PDE3B: variants seen among roughly 807,000 people sequenced by gnomAD.
The protein encoded by PDE3B is phosphodiesterase 3B, also known as cGMP-inhibited 3',5'-cyclic phosphodiesterase 3B.
PDE3B carries 66 observed loss-of-function variants against 116.8 expected under a neutral mutation model. The observed-to-expected ratio is 0.56, with a 90% confidence interval of 0.46 to 0.69. The LOEUF (loss-of-function observed/expected upper bound fraction) is 0.69. PDE3B is among the 30% of genes least tolerant of loss of function. The probability of loss-of-function intolerance (pLI) is 0.00; values close to 1 mark genes in which losing one functional copy is unlikely to be tolerated. For missense variants in PDE3B, 1,384 were observed against 1,368.1 expected, an observed-to-expected ratio of 1.01 and a Z score of -0.18; for synonymous variants, 595 against 533.6, an observed-to-expected ratio of 1.12 and a Z score of -1.59.
Position 14,789,168 on chromosome 11 carries a change from G to T in PDE3B, c.1341G>T (p.Leu447Phe). ...QLRRSSGTSG[L>F]LPVEQSSRWD... ...GGAGAAGCTCAGGAACTTCAGGATT[G>T]CTACCTGTTGAACAGTCTTCAAGGT... Residue 447 changes from leucine to phenylalanine, a missense_variant, in exon 4 of 16, where the codon TTG (leucine) becomes TTT (phenylalanine). This residue lies in a region of PDE3B where 956 missense variants were observed against 806.8 expected (regional missense o/e 1.18). Transcript: ENST00000282096. 2 of 1,610,902 alleles carry T rather than the reference G, an allele frequency of 1.2e-6. No individual in the cohort carries two copies. Among genetic ancestry groups the T allele is most frequent in the Non-Finnish European group, 1.7e-6 (2 of 1,177,602 alleles).
intron 1 of PDE3B, among the ~76,000 whole-genome samples, chr11:14,725,375 TCTTCCTTC>T (rs1172193941): frequency 6.7e-6 from 1 of 150,154 alleles, no homozygotes; most frequent in Admixed American, 6.7e-5. Context: ...CTTTCTCCTT[TCTTCCTTC>T]CTTCCTTCCT....
chr11:14,738,952 T>C (rs576666091), intron 1 of PDE3B, among the ~76,000 whole-genome samples: 2 of 152,276 alleles, frequency 1.3e-5, no homozygotes, highest in African/African-American at 4.8e-5. Flanking sequence ...CTCTGTTCCA[T>C]TGGTCGATAT....
chr11:14,861,474 G>C, intron 14 of PDE3B, 108 bp downstream of exon 14: 1 of 980,380 alleles, frequency 1.0e-6, no homozygotes, highest in Admixed American at 2.1e-5. Flanking sequence ...GAGTTGCTTT[G>C]ACTGGGAAGG....
chr11:14,741,209 T>A (rs1410563309), intron 1 of PDE3B, among the ~76,000 whole-genome samples: 1 of 152,046 alleles, frequency 6.6e-6, no homozygotes, highest in East Asian at 1.9e-4. Context: ...GGTGTTACAG[T>A]CTCCCACTAT....
At chr11:14,737,502 G>C (rs554744375) in intron 1 of PDE3B, among the ~76,000 whole-genome samples, 1 of 152,326 alleles carries the variant, frequency 6.6e-6, no homozygotes, top group East Asian at 1.9e-4. Context: ...CCGGCCACAG[G>C]CTGCCTTCTT....
intron 12 of PDE3B, among the ~76,000 whole-genome samples, chr11:14,847,656 A>G (rs1294377996): frequency 1.3e-5 from 2 of 152,236 alleles, no homozygotes; most frequent in Non-Finnish European, 2.9e-5. Context: ...TAAAGGGGAT[A>G]TCACCACCGA....
Position 14,643,808 on chromosome 11 carries a change from C to T in PDE3B, c.-268C>T. The T allele has an allele frequency of 2.3e-6, 1 of 428,088 alleles. No individual in the cohort carries two copies. The highest frequency in any genetic ancestry group is 4.1e-6 in the Non-Finnish European group (1 of 245,294). The allele number at this position is 428,088 out of a possible 1,614,324, so 26.5% of individuals were successfully genotyped here. ...GGGAGGCGACACTGAGTCTCCAGTC[C>T]CGAGAGGTGCCCGAGGGAAAAGGAG... On this transcript the variant is annotated 5_prime_UTR_variant, in exon 1 of 16. Coordinates refer to ENST00000282096, the MANE Select transcript of PDE3B (RefSeq NM_000922.4).
chr11:14,654,787 T>TACACACACACAC lies in PDE3B; in HGVS notation c.978+9768_978+9779dup, dbSNP rs59557281. On this transcript the variant is annotated intron_variant, in intron 1 of 15. Coordinates refer to ENST00000282096, the MANE Select transcript of PDE3B (RefSeq NM_000922.4). ...TGTTTATATATACACAGCAGCTGTC[T>TACACACACACAC]ACACACACACACACACACACACACA... Among the ~76,000 whole-genome samples, 16 of 142,088 alleles carry TACACACACACAC rather than the reference T, an allele frequency of 1.1e-4. No individual in the cohort carries two copies. The East Asian group carries it at 1.7e-3, about 15-fold the overall frequency. 93.2% of individuals were successfully genotyped at this position (142,088 alleles called of 152,430 possible).
At chr11:14,751,771 T>C (rs1857061766) in intron 1 of PDE3B, among the ~76,000 whole-genome samples, 1 of 152,204 alleles carries the variant, frequency 6.6e-6, no homozygotes, top group African/African-American at 2.4e-5. Flanking sequence ...CTTCCTAGAC[T>C]TTCTATCTGA....
intron 12 of PDE3B, among the ~76,000 whole-genome samples, chr11:14,844,641 C>T (rs953307543): frequency 2.6e-5 from 4 of 152,362 alleles, no homozygotes; most frequent in South Asian, 2.1e-4. Context: ...CCCAGTACTA[C>T]GCTTTTCCGA....
In PDE3B at chr11:14,644,414, C is replaced by T. The variant is rs1171914091; in HGVS notation, c.339C>T (p.Ser113=). 1.2e-6 allele frequency: 2 copies of T among 1,610,408 alleles called. No individual in the cohort carries two copies. The highest frequency in any genetic ancestry group is 1.7e-6 in the Non-Finnish European group (2 of 1,178,744). ...CCGCCTGGCTGCGGACGCTGCTGAG[C>T]GTGTGTTCGCACAGCTTGAGCCCCC... ...AGAAWLRTLL[S]VCSHSLSPLF... is the part of the protein sequence containing the mutation. Residue 113 remains serine, a synonymous_variant, in exon 1 of 16, where the codon AGC becomes AGT. Coordinates refer to ENST00000282096, the MANE Select transcript of PDE3B (RefSeq NM_000922.4).
At chr11:14,814,008 A>G (rs1314507889) in intron 5 of PDE3B, among the ~76,000 whole-genome samples, 1 of 152,208 alleles carries the variant, frequency 6.6e-6, no homozygotes, top group Non-Finnish European at 1.5e-5. Context: ...GAATACTCAT[A>G]TGGTCATCTT....
chr11:14,892,232 A>G, the PDE3B span: 7 of 1,600,342 alleles, frequency 4.4e-6, no homozygotes, highest in Non-Finnish European at 6.0e-6. Flanking sequence ...TGCGAACTCC[A>G]CAGCAGCCCT....
At chr11:14,737,286 C>G (rs186256736) in intron 1 of PDE3B, among the ~76,000 whole-genome samples, 1 of 151,794 alleles carries the variant, frequency 6.6e-6, no homozygotes, top group Admixed American at 6.6e-5. Context: ...CTCGGCCTCC[C>G]GGGTTCACGC....
intron 1 of PDE3B, among the ~76,000 whole-genome samples, chr11:14,685,882 C>T (rs1286856857): frequency 3.9e-5 from 6 of 152,204 alleles, no homozygotes; most frequent in Middle Eastern, 3.4e-3. Context: ...TCTCATTGGT[C>T]ATGGAGTTTT....
At chr11:14,706,105 A>G (rs1855526147) in intron 1 of PDE3B, among the ~76,000 whole-genome samples, 1 of 151,362 alleles carries the variant, frequency 6.6e-6, no homozygotes, top group Non-Finnish European at 1.5e-5. Flanking sequence ...CTTCCTTTTT[A>G]CCTTCCTTTC....
At chr11:14,763,903 A>G (rs1339835805) in intron 1 of PDE3B, among the ~76,000 whole-genome samples, 1 of 152,162 alleles carries the variant, frequency 6.6e-6, no homozygotes, top group Non-Finnish European at 1.5e-5. Context: ...ACTAGCTGAC[A>G]TGTGGCAGAA....
At chr11:14,787,925 G>C (rs1049685235) in intron 3 of PDE3B, among the ~76,000 whole-genome samples, 1 of 151,728 alleles carries the variant, frequency 6.6e-6, no homozygotes. Flanking sequence ...TTTTTAATCA[G>C]AAATCATATT....
chr11:14,841,018 G>C (rs1254280933), intron 11 of PDE3B, among the ~76,000 whole-genome samples: 1 of 152,106 alleles, frequency 6.6e-6, no homozygotes, highest in Non-Finnish European at 1.5e-5. Flanking sequence ...TATTTGGTCA[G>C]ACATTAATTT....
Sources: allele counts gnomAD v4.1 joint callset (sites outside exome capture counted in the v4.1 genomes callset), GRCh38; gene constraint gnomAD v4.1.1; regional missense constraint gnomAD v4.1.1; transcripts MANE v1.5; gene names NCBI Gene and HGNC (gene_info 2026-07-23, HGNC 2026-07-21).